RUNX1: variants seen among roughly 807,000 people sequenced by gnomAD.
RUNX1 encodes the protein runt-related transcription factor 1.
RUNX1 carries 19 observed loss-of-function variants against 42.8 expected under a neutral mutation model. The ratio of observed to expected loss-of-function variants is 0.44; its 90% CI spans 0.31 to 0.65. The LOEUF is 0.65. Ranked by LOEUF, RUNX1 falls within the 30% of genes least tolerant of loss-of-function variation. The pLI is 0.07. For missense variants in RUNX1, 528 were observed against 672.0 expected, an observed-to-expected ratio of 0.79 and a Z score of 2.37; for synonymous variants, 271 against 289.4, an observed-to-expected ratio of 0.94 and a Z score of 0.64.
intron 2 of RUNX1, among the ~76,000 whole-genome samples, chr21:34,902,074 T>C (rs900278413): frequency 6.6e-6 from 1 of 152,206 alleles, no homozygotes; most frequent in South Asian, 2.1e-4. Context: ...AATGTATGAA[T>C]TGAAAGCAGG....
chr21:34,862,787 C>T (rs1437882409), intron 5 of RUNX1, among the ~76,000 whole-genome samples: 1 of 152,204 alleles, frequency 6.6e-6, no homozygotes, highest in East Asian at 1.9e-4. Flanking sequence ...GGTGGACATA[C>T]ACTTTTTGGA....
chr21:34,944,835 A>G (rs962764131), intron 2 of RUNX1, among the ~76,000 whole-genome samples: 9 of 152,206 alleles, frequency 5.9e-5, no homozygotes, highest in Admixed American at 3.3e-4. Flanking sequence ...ATGACTAACT[A>G]TATGAAAGAC....
At chr21:34,918,231 C>A (rs150146878) in intron 2 of RUNX1, among the ~76,000 whole-genome samples, 1 of 151,818 alleles carries the variant, frequency 6.6e-6, no homozygotes, top group Non-Finnish European at 1.5e-5. Flanking sequence ...AATCCAAGCA[C>A]CCCAATCCCT....
Position 34,843,896 on chromosome 21 carries a change from T to C in RUNX1, c.614-9295A>G, listed in dbSNP as rs2146131559. Among the ~76,000 whole-genome samples, 1 of 152,296 alleles carries C rather than the reference T, an allele frequency of 6.6e-6. No homozygotes were observed. Among genetic ancestry groups the C allele is most frequent in the East Asian group, 1.9e-4 (1 of 5,180 alleles). ...CTGTCTGGTGACTAAGGAGGTAACT[T>C]GAGCTCAGGGCAGAGAAGCCACCTG... On this transcript the variant is annotated intron_variant, in intron 6 of 8. Coordinates refer to ENST00000675419, the MANE Select transcript of RUNX1 (RefSeq NM_001754.5). The surrounding 1 kb of genome is among the most constrained non-coding windows in gnomAD (Gnocchi z 4.8).
intron 6 of RUNX1, among the ~76,000 whole-genome samples, chr21:34,853,090 T>C (rs140639726): frequency 0.019 from 2,887 of 152,280 alleles, 47 homozygotes; most frequent in Middle Eastern, 0.037. Context: ...TACCCATCTT[T>C]CGTGAAGGCC....
At chr21:35,017,304 A>G (rs2059166404) in intron 2 of RUNX1, among the ~76,000 whole-genome samples, 1 of 152,196 alleles carries the variant, frequency 6.6e-6, no homozygotes. Context: ...TAATTCTCAC[A>G]ACCTATGTGG....
chr21:34,835,094 G>A (rs1175762498), intron 6 of RUNX1, among the ~76,000 whole-genome samples: 1 of 152,124 alleles, frequency 6.6e-6, no homozygotes, highest in African/African-American at 2.4e-5. Context: ...CTTAGTGGTA[G>A]GGCCCCTTCC....
At chr21:35,024,106 C>T (rs182813781) in intron 2 of RUNX1, among the ~76,000 whole-genome samples, 393 of 152,238 alleles carry the variant, frequency 2.6e-3, no homozygotes, top group Non-Finnish European at 4.6e-3. Context: ...TAGGTGCCTC[C>T]ATATGTTTGT....
At position 34,843,104 on chromosome 21, in the gene RUNX1, G is replaced by GGACACACATGTATAAACACACATACA. The variant is rs2057264464; in HGVS notation, c.614-8529_614-8504dup. 1.3e-5 allele frequency among the ~76,000 whole-genome samples: 2 copies of GGACACACATGTATAAACACACATACA among 151,630 alleles called. No individual in the cohort carries two copies. Among genetic ancestry groups the GGACACACATGTATAAACACACATACA allele is most frequent in the African/African-American group, 4.8e-5 (2 of 41,250 alleles). ...AACAAAACAAAATATAGATACACAT[G>GGACACACATGTATAAACACACATACA]GACACACATGTATAAACACACATAC... On this transcript the variant is annotated intron_variant, in intron 6 of 8. Coordinates refer to ENST00000675419, the MANE Select transcript of RUNX1 (RefSeq NM_001754.5). This position sits in a 1 kb window ranked among gnomAD's most constrained non-coding sequence, Gnocchi z 4.8.
intron 7 of RUNX1, chr21:34,833,858 G>T: frequency 4.2e-6 from 1 of 237,010 alleles, no homozygotes; most frequent in Non-Finnish European, 8.6e-6. Flanking sequence ...CATGGGCTGG[G>T]GGGACCTGCA....
At chr21:34,890,516 C>T (rs1332282487) in intron 3 of RUNX1, among the ~76,000 whole-genome samples, 1 of 152,064 alleles carries the variant, frequency 6.6e-6, no homozygotes, top group Admixed American at 6.5e-5. Flanking sequence ...TGACTCGGGC[C>T]GCTCTTGGCT....
At position 34,998,131 on chromosome 21, in the gene RUNX1, A is replaced by G. The variant is rs79670427; in HGVS notation, c.58+50711T>C. The stretch of plus-strand genomic sequence containing the variant: ...TGTTTCTCTTTTAAACTTTGAGACC[A>G]TCAGGAAAGGGTTGAGCCTGTCAAT... On this transcript the variant is annotated intron_variant, in intron 2 of 8. Coordinates refer to ENST00000675419, the MANE Select transcript of RUNX1 (RefSeq NM_001754.5). 1.6e-3 allele frequency among the ~76,000 whole-genome samples: 237 copies of G among 152,274 alleles called. 1 individual carries two copies. Among genetic ancestry groups the G allele is most frequent in the African/African-American group, 5.5e-3 (227 of 41,548 alleles).
intron 5 of RUNX1, among the ~76,000 whole-genome samples, chr21:34,864,666 G>C (rs1230814866): frequency 6.6e-6 from 1 of 152,212 alleles, no homozygotes; most frequent in Non-Finnish European, 1.5e-5. Flanking sequence ...GCCAAGGAAA[G>C]GGGTAAACAA....
chr21:34,815,011 G>T (rs1032603755), intron 7 of RUNX1, among the ~76,000 whole-genome samples: 2 of 152,134 alleles, frequency 1.3e-5, no homozygotes, highest in Non-Finnish European at 2.9e-5. Context: ...CTGACTGGCT[G>T]TGTAACTTCT....
intron 2 of RUNX1, among the ~76,000 whole-genome samples, chr21:34,941,421 G>A (rs1468260230): frequency 1.3e-5 from 2 of 152,156 alleles, no homozygotes; most frequent in Non-Finnish European, 2.9e-5. Flanking sequence ...ATGTGGGTTC[G>A]GATTTTTGCC....
chr21:34,956,287 T>C lies in RUNX1; in HGVS notation c.59-63324A>G, dbSNP rs114947137. Among the ~76,000 whole-genome samples the C allele has an allele frequency of 9.6e-3, 1,468 of 152,266 alleles. 25 individuals are homozygous for C. Among genetic ancestry groups the C allele is most frequent in the African/African-American group, 0.029 (1,206 of 41,530 alleles). The stretch of plus-strand genomic sequence containing the variant: ...ATAGCCCAAGCAGAAAGAAGATACA[T>C]TTTCTGGTTACAATAGTTTTGGTTG... On this transcript the variant is annotated intron_variant, in intron 2 of 8. Coordinates refer to ENST00000675419, the MANE Select transcript of RUNX1 (RefSeq NM_001754.5).
chr21:34,977,925 A>ATTT (rs140996531), intron 2 of RUNX1, among the ~76,000 whole-genome samples: 1 of 145,034 alleles, frequency 6.9e-6, no homozygotes. Flanking sequence ...AGTAAACAGC[A>ATTT]TTTTTTTTTT....
intron 7 of RUNX1, among the ~76,000 whole-genome samples, chr21:34,811,576 G>T (rs920663792): frequency 6.6e-6 from 1 of 152,174 alleles, no homozygotes; most frequent in African/African-American, 2.4e-5. Context: ...ACCTCCAAGA[G>T]CTCTGAACGG....
At chr21:34,837,515 G>A (rs1035805419) in intron 6 of RUNX1, among the ~76,000 whole-genome samples, 9 of 152,282 alleles carry the variant, frequency 5.9e-5, no homozygotes, top group Non-Finnish European at 1.3e-4. Flanking sequence ...AGGAACTTCC[G>A]ATATAAACTT....
Sources: gnomAD v4.1 joint callset for allele counts (sites outside exome capture counted in the v4.1 genomes callset) on GRCh38, gnomAD v4.1.1 for gene constraint, Gnocchi (gnomAD v3.1) non-coding constraint, MANE v1.5 for transcripts, NCBI Gene and HGNC (gene_info 2026-07-23, HGNC 2026-07-21) for gene names.